The following PBX1 variants were observed in gnomAD, a reference collection of about 807,000 sequenced individuals.
PBX1 encodes the protein PBX homeobox 1.
A neutral mutation model predicts 53.4 loss-of-function variants in PBX1; 6 were observed. The ratio of observed to expected loss-of-function variants is 0.11; its 90% CI spans 0.06 to 0.22. The LOEUF (loss-of-function observed/expected upper bound fraction) is 0.22. PBX1 is among the 10% of genes least tolerant of loss of function. PBX1 has a pLI of 1.00. For synonymous variants in PBX1, 204 were observed against 212.3 expected, an observed-to-expected ratio of 0.96 and a Z score of 0.34; for missense variants, 251 against 551.4, an observed-to-expected ratio of 0.46 and a Z score of 5.46.
chr1:164,599,465 C>T (rs1160852342), intron 2 of PBX1, among the ~76,000 whole-genome samples: 1 of 152,048 alleles, frequency 6.6e-6, no homozygotes. Flanking sequence ...AACATTTTGC[C>T]AGCGGCCTCT....
intron 2 of PBX1, among the ~76,000 whole-genome samples, chr1:164,596,030 G>C (rs1430315865): frequency 6.6e-6 from 1 of 151,160 alleles, no homozygotes; most frequent in African/African-American, 2.4e-5. Flanking sequence ...AGAGTGAGTT[G>C]TAAAGAACAA....
Position 164,563,215 on chromosome 1 carries a change from A to G in PBX1, c.192-23A>G, listed in dbSNP as rs185803236. On this transcript the variant is annotated intron_variant, in intron 1 of 8. Coordinates refer to ENST00000420696, the MANE Select transcript of PBX1 (RefSeq NM_002585.4). ...TTGATCTTGAGAGTCCACCTAAGCT[A>G]TCATGTTGTTTCTTTCTTGCAGAAA... is the stretch of plus-strand genomic sequence containing the variant. 155 of 1,572,048 alleles carry G rather than the reference A, an allele frequency of 9.9e-5. No homozygotes were observed. The East Asian group carries it at 3.2e-3, about 33-fold the overall frequency.
chr1:164,681,875 T>C (rs1661795577), intron 2 of PBX1, among the ~76,000 whole-genome samples: 1 of 152,202 alleles, frequency 6.6e-6, no homozygotes, highest in Non-Finnish European at 1.5e-5. Context: ...TGTTTTGATA[T>C]TTGGTCCCGG....
chr1:164,716,821 A>G (rs1664125691), intron 2 of PBX1, among the ~76,000 whole-genome samples: 1 of 152,184 alleles, frequency 6.6e-6, no homozygotes, highest in Non-Finnish European at 1.5e-5. Context: ...AGACCTAAAA[A>G]TCATCCTTTC....
chr1:164,732,963 G>A (rs767630119), intron 2 of PBX1, among the ~76,000 whole-genome samples: 1 of 152,108 alleles, frequency 6.6e-6, no homozygotes, highest in Non-Finnish European at 1.5e-5. Flanking sequence ...TCTAGTCAGT[G>A]TCACCAGGAC....
intron 2 of PBX1, among the ~76,000 whole-genome samples, chr1:164,658,612 T>A (rs1280619860): frequency 6.6e-6 from 1 of 152,098 alleles, no homozygotes; most frequent in African/African-American, 2.4e-5. Context: ...GTTCTTAGAG[T>A]CAAAACTGTT....
intron 2 of PBX1, chr1:164,700,668 C>T (rs750759302): frequency 1.1e-4 from 113 of 985,168 alleles, no homozygotes; most frequent in Non-Finnish European, 1.2e-4. Flanking sequence ...GGAGACCCTG[C>T]AGCAGATAGG....
In PBX1 at chr1:164,576,225, C is replaced by T. The variant is rs1191074323; in HGVS notation, c.265+12914C>T. Reference sequence around the variant, plus strand: ...GAAAGGATAATGATGATGCTGGGAGCTGGACCGTCGTAGATTGTCGCCTGA... The same window carrying T: ...GAAAGGATAATGATGATGCTGGGAGTTGGACCGTCGTAGATTGTCGCCTGA... On this transcript the variant is annotated intron_variant, in intron 2 of 8. Coordinates refer to ENST00000420696, the MANE Select transcript of PBX1 (RefSeq NM_002585.4). 2.6e-5 allele frequency among the ~76,000 whole-genome samples: 4 copies of T among 152,340 alleles called. 1 individual carries two copies. In the East Asian group the frequency reaches 7.7e-4, roughly 29 times the overall value.
At chr1:164,763,869 A>C (rs1045486224) in intron 2 of PBX1, among the ~76,000 whole-genome samples, 16 of 152,196 alleles carry the variant, frequency 1.1e-4, no homozygotes, top group Admixed American at 1.0e-3. Flanking sequence ...AAACTCTGAA[A>C]TAAATTCATA....
chr1:164,700,649 G>A lies in PBX1; in HGVS notation c.266-91845G>A, dbSNP rs565389814. On this transcript the variant is annotated intron_variant, in intron 2 of 8. Transcript: ENST00000420696. ...TACAGAGGTAATAATAAAGGTGATC[G>A]TGTCAGGTGGAGACCCTGCAGCAGA... 279 of 985,292 alleles carry A rather than the reference G, an allele frequency of 2.8e-4. No homozygotes were observed. In the African/African-American group the frequency reaches 4.1e-3, roughly 15 times the overall value. 61.0% of individuals were successfully genotyped at this position (985,292 alleles called of 1,614,324 possible).
intron 2 of PBX1, among the ~76,000 whole-genome samples, chr1:164,718,770 T>C (rs925008354): frequency 5.9e-5 from 9 of 152,196 alleles, no homozygotes; most frequent in Non-Finnish European, 1.2e-4. Context: ...GGTGGAGATA[T>C]TGAAAGACTC....
intron 2 of PBX1, among the ~76,000 whole-genome samples, chr1:164,679,337 T>G (rs1214349341): frequency 6.6e-6 from 1 of 152,194 alleles, no homozygotes; most frequent in Non-Finnish European, 1.5e-5. Context: ...GTGAGACAGT[T>G]ACTGAGACCA....
Position 164,848,578 on chromosome 1 carries a change from T to C in PBX1, c.*1902T>C, listed in dbSNP as rs964815048. 3.8e-6 allele frequency: 4 copies of C among 1,059,204 alleles called. No homozygotes were observed. Among genetic ancestry groups the C allele is most frequent in the Non-Finnish European group, 1.1e-6 (1 of 875,548 alleles). The allele number at this position is 1,059,204 out of a possible 1,614,324, so 65.6% of individuals were successfully genotyped here. A position where few individuals can be genotyped will look rare whatever the true frequency, so the allele number is the denominator to read the frequency against. ...TCACCGTGATGACAAAGAGAAGAGTTATTGTTGATCTTCTTGGTTTTGGTC... is the reference window on the plus strand; with the variant it reads ...TCACCGTGATGACAAAGAGAAGAGTCATTGTTGATCTTCTTGGTTTTGGTC... On this transcript the variant is annotated 3_prime_UTR_variant, in exon 9 of 9. Transcript: ENST00000420696.
At chr1:164,696,340 T>A (rs1662798179) in intron 2 of PBX1, among the ~76,000 whole-genome samples, 1 of 152,128 alleles carries the variant, frequency 6.6e-6, no homozygotes, top group African/African-American at 2.4e-5. Context: ...TTGAAGATGA[T>A]GGAATCATTT....
chr1:164,672,460 T>C (rs181984192), intron 2 of PBX1, among the ~76,000 whole-genome samples: 2 of 152,338 alleles, frequency 1.3e-5, no homozygotes, highest in Non-Finnish European at 2.9e-5. Flanking sequence ...GTGACTGTTA[T>C]GCTGATAAAG....
intron 1 of PBX1, among the ~76,000 whole-genome samples, chr1:164,562,493 A>ACACACC (rs979260932): frequency 2.1e-5 from 3 of 145,290 alleles, no homozygotes; most frequent in African/African-American, 7.7e-5. Flanking sequence ...ACACACACAC[A>ACACACC]CCAGGTAAAT....
At chr1:164,665,172 T>G (rs747073753) in intron 2 of PBX1, among the ~76,000 whole-genome samples, 1 of 152,192 alleles carries the variant, frequency 6.6e-6, no homozygotes, top group Non-Finnish European at 1.5e-5. Context: ...GGTCAGAAAT[T>G]TTAGTTGTGC....
chr1:164,598,552 G>A (rs1360822788), intron 2 of PBX1, among the ~76,000 whole-genome samples: 1 of 152,178 alleles, frequency 6.6e-6, no homozygotes, highest in Non-Finnish European at 1.5e-5. Flanking sequence ...AGAGTTCTCT[G>A]AGGAACATAC....
rs77347096 is a variant in PBX1, at chr1:164,691,468, G to A, written c.266-101026G>A. On this transcript the variant is annotated intron_variant, in intron 2 of 8. Transcript: ENST00000420696. ...TTCTCTCTGTGATAATTTTAACTGT[G>A]TTTTAGAGTGTTCTAAGCTTCCTTC... Among the ~76,000 whole-genome samples the A allele has an allele frequency of 1.0e-2, 1,515 of 152,232 alleles. 24 individuals carry two copies. The highest frequency in any genetic ancestry group is 0.034 in the African/African-American group (1,416 of 41,528).
Sources: allele counts gnomAD v4.1 joint callset (sites outside exome capture counted in the v4.1 genomes callset), GRCh38; gene constraint gnomAD v4.1.1; transcripts MANE v1.5; gene names NCBI Gene and HGNC (gene_info 2026-07-23, HGNC 2026-07-21).